Variants in FREM1 observed in about 807,000 individuals in gnomAD.
The protein encoded by FREM1 is FRAS1 related extracellular matrix 1.
Under a neutral mutation model 210.1 loss-of-function variants are expected in FREM1, and 220 were observed. The observed-to-expected ratio is 1.05, with a 90% confidence interval of 0.94 to 1.17. The LOEUF is 1.17. FREM1 is among the 50% of genes most tolerant of loss of function. FREM1 has a pLI of 0.00. For missense variants in FREM1, 3,454 were observed against 2,675.5 expected (o/e 1.29, Z -6.42); for synonymous variants, 1,189 against 980.2 (o/e 1.21, Z -3.98).
chr9:14,880,529 G>A (rs755601128), intron 1 of FREM1, among the ~76,000 whole-genome samples: 47 of 151,376 alleles, frequency 3.1e-4, no homozygotes, highest in Non-Finnish European at 5.0e-4. Context: ...ACTTGAACCC[G>A]GGAGGCAAAG....
intron 1 of FREM1, among the ~76,000 whole-genome samples, chr9:14,908,721 G>A (rs895247451): frequency 2.0e-5 from 3 of 152,170 alleles, no homozygotes; most frequent in African/African-American, 7.2e-5. Flanking sequence ...AGAATTTCAT[G>A]TCAAGGACAA....
chr9:14,867,072 C>A (rs1390302621), intron 2 of FREM1, among the ~76,000 whole-genome samples: 1 of 152,108 alleles, frequency 6.6e-6, no homozygotes, highest in Admixed American at 6.5e-5. Flanking sequence ...GTTGACCAGG[C>A]TGGTCTCTAA....
chr9:14,877,151 C>T lies in FREM1; in HGVS notation c.-267-7907G>A, dbSNP rs1204130591. On this transcript the variant is annotated intron_variant, in intron 1 of 36. Coordinates refer to ENST00000380880, the MANE Select transcript of FREM1 (RefSeq NM_001379081.2). The stretch of plus-strand genomic sequence containing the variant: ...GTAGGACCTGTTTTGTATCTACACT[C>T]ATTCCTTAGTGATCTCATTCCTTGG... 3.3e-5 allele frequency among the ~76,000 whole-genome samples: 5 copies of T among 152,252 alleles called. No individual in the cohort carries two copies. In the East Asian group the frequency reaches 9.7e-4, roughly 29 times the overall value.
chr9:14,791,405 T>C (rs1399884962), intron 22 of FREM1, among the ~76,000 whole-genome samples: 2 of 152,210 alleles, frequency 1.3e-5, no homozygotes, highest in African/African-American at 4.8e-5. Context: ...TGAGAACATA[T>C]ACAATTCCAG....
At chr9:14,785,897 A>C (rs1850355428) in intron 23 of FREM1, among the ~76,000 whole-genome samples, 1 of 152,206 alleles carries the variant, frequency 6.6e-6, no homozygotes, top group African/African-American at 2.4e-5. Context: ...AAAATGGTTA[A>C]GATGGTACAT....
At chr9:14,869,353 T>A (rs1832140457) in intron 1 of FREM1, 109 bp from the exon 2 acceptor site, 1 of 181,764 alleles carries the variant, frequency 5.5e-6, no homozygotes, top group Non-Finnish European at 1.2e-5. Context: ...AGCCTATGAG[T>A]TCAGCTAAAT....
intron 1 of FREM1, among the ~76,000 whole-genome samples, chr9:14,904,335 T>C (rs971078613): frequency 1.3e-5 from 2 of 152,102 alleles, no homozygotes; most frequent in Non-Finnish European, 2.9e-5. Flanking sequence ...ACAAGCTTTA[T>C]CCAATTCACA....
intron 3 of FREM1, among the ~76,000 whole-genome samples, chr9:14,860,569 ACAC>A (rs1564098931): frequency 1.1e-4 from 7 of 63,428 alleles, no homozygotes; most frequent in African/African-American, 5.0e-4. Context: ...ACATATATAT[ACAC>A]ATATATATAC....
At position 14,860,722 on chromosome 9, in the gene FREM1, T is replaced by C. The variant is rs571495090; in HGVS notation, c.330-1238A>G. 2.0e-4 allele frequency among the ~76,000 whole-genome samples: 26 copies of C among 131,080 alleles called. No homozygotes were observed. In the East Asian group the frequency reaches 4.5e-3, roughly 23 times the overall value. The allele number at this position is 131,080 out of a possible 152,430, so 86.0% of individuals were successfully genotyped here. A position where few individuals can be genotyped will look rare whatever the true frequency, so the allele number is the denominator to read the frequency against. On this transcript the variant is annotated intron_variant, in intron 3 of 36. Coordinates refer to ENST00000380880, the MANE Select transcript of FREM1 (RefSeq NM_001379081.2). ...ACATATATACACACATATATACACA[T>C]ATATACACATATATACACATATATA... is the stretch of plus-strand genomic sequence containing the variant.
chr9:14,845,366 G>A lies in FREM1; in HGVS notation c.1393+594C>T, dbSNP rs144340041. 7.5e-3 allele frequency among the ~76,000 whole-genome samples: 1,141 copies of A among 151,934 alleles called. 20 individuals are homozygous for A. Among genetic ancestry groups the A allele is most frequent in the African/African-American group, 0.025 (1,030 of 41,396 alleles). On this transcript the variant is annotated intron_variant, in intron 8 of 36. Coordinates refer to ENST00000380880, the MANE Select transcript of FREM1 (RefSeq NM_001379081.2). ...GTCACCCAGGCTGGAGTGCAGTGGC[G>A]TGATCTTGGCTCACTGCAACCTCTG...
At chr9:14,743,492 A>G (rs1841912265) in intron 35 of FREM1, among the ~76,000 whole-genome samples, 1 of 152,132 alleles carries the variant, frequency 6.6e-6, no homozygotes, top group South Asian at 2.1e-4. Flanking sequence ...CAGTCCTTTA[A>G]AAAAACACAC....
chr9:14,797,564 T>C lies in FREM1; in HGVS notation c.3773A>G (p.His1258Arg), dbSNP rs1229597991. The C allele has an allele frequency of 4.3e-6, 7 of 1,613,060 alleles. No individual in the cohort carries two copies. The highest frequency in any genetic ancestry group is 2.2e-5 in the East Asian group (1 of 44,874). ...TACTGAAATGGTTTTAAGTATCTTA[T>C]GTTTCCCATCTGACAATTGGATTGT... ...DFTIQLSDGK[H>R]KILKTISVEV... The change falls in exon 21 of 37, where the codon CAT becomes CGT. Residue 1258 changes from histidine (H) to arginine (R), a missense_variant. His to Arg is a conservative substitution (Grantham distance 29). Transcript: ENST00000380880.
intron 19 of FREM1, among the ~76,000 whole-genome samples, chr9:14,802,196 G>T (rs534993845): frequency 1.8e-4 from 28 of 152,296 alleles, no homozygotes; most frequent in African/African-American, 5.1e-4. Flanking sequence ...GACGGTGTTT[G>T]CTTTCAAGAA....
In FREM1 at chr9:14,746,960, T is replaced by C. The variant is rs1212659996; in HGVS notation, c.6101A>G (p.Asn2034Ser). 1.2e-6 allele frequency: 2 copies of C among 1,613,316 alleles called. No individual in the cohort carries two copies. The highest frequency in any genetic ancestry group is 2.2e-5 in the East Asian group (1 of 44,874). The change falls in exon 34 of 37, where the codon AAT becomes AGT. Residue 2034 changes from asparagine to serine, a missense_variant. Coordinates refer to ENST00000380880, the MANE Select transcript of FREM1 (RefSeq NM_001379081.2). ...ACTCCAGGCTTTCCAGGCGATCCCA[T>C]TGCACTGATACAGCTTCTGGATGCC... ...EEGIQKLYQC[N>S]GIAWKAWSPQ...
At position 14,882,840 on chromosome 9, in the gene FREM1, G is replaced by A. The variant is rs146900033; in HGVS notation, c.-267-13596C>T. ...AAGCAGGAGAATCGCCTGAACCTGG[G>A]AGGCAGAGGTTGCAATGAGCTGAGA... On this transcript the variant is annotated intron_variant, in intron 1 of 36. Coordinates refer to ENST00000380880, the MANE Select transcript of FREM1 (RefSeq NM_001379081.2). Among the ~76,000 whole-genome samples the A allele has an allele frequency of 9.5e-3, 1,305 of 136,664 alleles. 20 individuals carry two copies. Among genetic ancestry groups the A allele is most frequent in the African/African-American group, 0.033 (1,229 of 36,792 alleles). The allele number at this position is 136,664 out of a possible 152,430, so 89.7% of individuals were successfully genotyped here.
At chr9:14,869,589 C>A (rs1000014256) in intron 1 of FREM1, among the ~76,000 whole-genome samples, 1 of 152,180 alleles carries the variant, frequency 6.6e-6, no homozygotes, top group Admixed American at 6.5e-5. Context: ...AAACTCTTTG[C>A]TTCCCTTTCC....
rs1825877051 is a variant in FREM1 at position 14,842,592 on chromosome 9, T to C, written c.1462A>G (p.Ser488Gly). ...AGVVRYHHDD[S>G]DSTKDFVVFR... is the part of the protein sequence containing the mutation. ...ACCACGAAGTCTTTGGTGGAGTCGCTGTCATCATGATGATAGCGAACAACT... is the reference window on the plus strand; with the variant it reads ...ACCACGAAGTCTTTGGTGGAGTCGCCGTCATCATGATGATAGCGAACAACT... Residue 488 changes from serine to glycine, a missense_variant, in exon 9 of 37, where the codon AGC becomes GGC. Physicochemically the swap from Ser to Gly is moderately conservative, Grantham distance 56 (BLOSUM62 0). Transcript: ENST00000380880. 6.2e-7 allele frequency: 1 copy of C among 1,613,744 alleles called. No homozygotes were observed. Among genetic ancestry groups the C allele is most frequent in the Admixed American group, 1.7e-5 (1 of 59,996 alleles).
Position 14,859,406 on chromosome 9 carries a change from A to G in FREM1, c.408T>C (p.His136=). The G allele has an allele frequency of 2.5e-6, 4 of 1,613,498 alleles. No individual in the cohort carries two copies. Among genetic ancestry groups the G allele is most frequent in the Non-Finnish European group, 3.4e-6 (4 of 1,179,444 alleles). Residue 136 remains histidine, a synonymous_variant, in exon 4 of 37, where the codon CAT becomes CAC. Transcript: ENST00000380880. ...YLLEPDCNII[H]MSNNVLEVPE... is the part of the protein sequence containing the mutation. ...GCACCTCCAGCACATTGTTACTCAT[A>G]TGGATGATGTTACAGTCTGGTTCCA...
chr9:14,894,605 A>AT (rs1837378637), intron 1 of FREM1, among the ~76,000 whole-genome samples: 1 of 152,192 alleles, frequency 6.6e-6, no homozygotes, highest in Non-Finnish European at 1.5e-5. Context: ...GACTGAAGTG[A>AT]TTTTTTTACT....
Sources: allele counts gnomAD v4.1 joint callset (sites outside exome capture counted in the v4.1 genomes callset), GRCh38; gene constraint gnomAD v4.1.1; transcripts MANE v1.5; gene names NCBI Gene and HGNC (gene_info 2026-07-23, HGNC 2026-07-21).